The following SIPA1L2 variants were observed in gnomAD, a reference collection of about 807,000 sequenced individuals.
SIPA1L2 encodes signal induced proliferation associated 1 like 2.
SIPA1L2 carries 56 observed loss-of-function variants against 163.9 expected under a neutral mutation model. The observed-to-expected ratio is 0.34, with a 90% CI of 0.28 to 0.43. The LOEUF is 0.43. Ranked by LOEUF, SIPA1L2 falls within the 20% of genes least tolerant of loss-of-function variation. SIPA1L2 has a pLI of 1.00. For missense variants in SIPA1L2, 1,974 were observed against 2,193.5 expected (o/e 0.90, Z 2.00); for synonymous variants, 877 against 865.7 (o/e 1.01, Z -0.23).
chr1:232,626,230 CTT>C (rs56703620), intron 1 of SIPA1L2, among the ~76,000 whole-genome samples: 4 of 133,696 alleles, frequency 3.0e-5, no homozygotes, highest in Non-Finnish European at 3.1e-5. Context: ...CTAATATTTG[CTT>C]TTTTTTTTTT....
At chr1:232,480,160 T>TGTGTGC (rs1553296489) in intron 6 of SIPA1L2, among the ~76,000 whole-genome samples, 25 of 124,762 alleles carry the variant, frequency 2.0e-4, no homozygotes, top group African/African-American at 8.5e-4. Flanking sequence ...TGTGCGTGTG[T>TGTGTGC]GTGTGTGTGT....
intron 1 of SIPA1L2, among the ~76,000 whole-genome samples, chr1:232,592,239 G>A (rs987880616): frequency 9.2e-5 from 14 of 152,164 alleles, no homozygotes; most frequent in Non-Finnish European, 1.8e-4. Flanking sequence ...GACACTTACC[G>A]TCAGAATTAA....
intron 10 of SIPA1L2, among the ~76,000 whole-genome samples, chr1:232,450,507 G>A (rs916305859): frequency 6.6e-6 from 1 of 152,330 alleles, no homozygotes; most frequent in South Asian, 2.1e-4. Flanking sequence ...ATGTTCAGGT[G>A]AACACCAGGC....
At chr1:232,583,784 G>A (rs1236062867) in intron 1 of SIPA1L2, among the ~76,000 whole-genome samples, 3 of 152,136 alleles carry the variant, frequency 2.0e-5, no homozygotes, top group Non-Finnish European at 4.4e-5. Flanking sequence ...GTCTCAAACT[G>A]ATAACTCTGC....
At chr1:232,500,553 A>G (rs12726058) in intron 3 of SIPA1L2, among the ~76,000 whole-genome samples, 39,709 of 152,118 alleles carry the variant, frequency 0.26, 5,463 homozygotes, top group Admixed American at 0.38. Context: ...TATTGCAGAT[A>G]TGGTAGAAAT....
At chr1:232,481,488 T>C (rs1233699182) in intron 6 of SIPA1L2, among the ~76,000 whole-genome samples, 12 of 152,172 alleles carry the variant, frequency 7.9e-5, no homozygotes, top group Non-Finnish European at 1.8e-4. Flanking sequence ...AAGTACTTCT[T>C]AAAATGTGAT....
chr1:232,406,643 A>C (rs1660650243), intron 19 of SIPA1L2, among the ~76,000 whole-genome samples: 1 of 152,022 alleles, frequency 6.6e-6, no homozygotes, highest in African/African-American at 2.4e-5. Flanking sequence ...TCTGTTGAAC[A>C]TAAGGCCAAG....
In SIPA1L2 at chr1:232,471,393, A is replaced by C. The variant is rs778587261; in HGVS notation, c.2221T>G (p.Cys741Gly). Residue 741 changes from cysteine (C) to glycine (G), a missense_variant, in exon 8 of 23, where the codon TGT becomes GGT. Transcript: ENST00000674635. ...CACCTATAACACACATTTTCGGTAC[A>C]TGGATTATGCACTTTGACTATGACA... The part of the protein sequence containing the change: ...VFVIVKVHNP[C>G]TENVCYSVGV... 3.1e-6 allele frequency: 5 copies of C among 1,613,970 alleles called. No individual in the cohort carries two copies. Among genetic ancestry groups the C allele is most frequent in the Non-Finnish European group, 4.2e-6 (5 of 1,179,924 alleles).
intron 10 of SIPA1L2, among the ~76,000 whole-genome samples, chr1:232,458,352 A>G (rs1449887681): frequency 1.3e-5 from 2 of 152,246 alleles, no homozygotes; most frequent in Non-Finnish European, 2.9e-5. Flanking sequence ...GGATAAAAAG[A>G]TAACAGCTGC....
chr1:232,426,608 C>G (rs1447906745), intron 17 of SIPA1L2, among the ~76,000 whole-genome samples: 1 of 151,964 alleles, frequency 6.6e-6, no homozygotes, highest in Non-Finnish European at 1.5e-5. Context: ...TGCAGTGAGC[C>G]GAGATCGTGC....
intron 1 of SIPA1L2, among the ~76,000 whole-genome samples, chr1:232,599,698 T>C (rs1661491366): frequency 6.6e-6 from 1 of 152,160 alleles, no homozygotes; most frequent in Admixed American, 6.5e-5. Context: ...TCCCCTGCTG[T>C]AGCCCCGGGC....
chr1:232,546,559 G>T (rs937866580), intron 2 of SIPA1L2, among the ~76,000 whole-genome samples: 2 of 152,160 alleles, frequency 1.3e-5, no homozygotes, highest in African/African-American at 4.8e-5. Flanking sequence ...GGTGATCACA[G>T]ACACGCTCTA....
At chr1:232,422,396 C>T (rs1661625329) in intron 18 of SIPA1L2, among the ~76,000 whole-genome samples, 1 of 152,180 alleles carries the variant, frequency 6.6e-6, no homozygotes, top group Non-Finnish European at 1.5e-5. Flanking sequence ...AGATTCAAAT[C>T]TGTAACTTTT....
At chr1:232,479,595 G>A (rs756257613) in intron 7 of SIPA1L2, 32 bp downstream of exon 7, 3 of 1,559,578 alleles carry the variant, frequency 1.9e-6, no homozygotes, top group Admixed American at 3.3e-5. Flanking sequence ...TTCATACTCA[G>A]CGTAAAAAGC....
chr1:232,494,534 A>G (rs1341006859), intron 3 of SIPA1L2, among the ~76,000 whole-genome samples: 1 of 152,226 alleles, frequency 6.6e-6, no homozygotes, highest in African/African-American at 2.4e-5. Flanking sequence ...CAAATACTCT[A>G]TTCTGAACCC....
chr1:232,500,192 C>T (rs1383171598), intron 3 of SIPA1L2, among the ~76,000 whole-genome samples: 1 of 152,236 alleles, frequency 6.6e-6, no homozygotes, highest in Non-Finnish European at 1.5e-5. Context: ...ATTGACAACG[C>T]ATCTCATCAC....
rs373005164 is a variant in SIPA1L2 at position 232,591,344 on chromosome 1, T to C, written c.-318-17122A>G. Among the ~76,000 whole-genome samples the C allele has an allele frequency of 5.8e-4, 89 of 152,344 alleles. No individual in the cohort carries two copies. The South Asian group carries it at 7.5e-3, about 13-fold the overall frequency. ...GTACTCGAGTACTGACATTTCCATA[T>C]TGGTCATGACGGGATCAGTCCTGTA... is the stretch of plus-strand genomic sequence containing the variant. On this transcript the variant is annotated intron_variant, in intron 1 of 22. Coordinates refer to ENST00000674635, the MANE Select transcript of SIPA1L2 (RefSeq NM_020808.5).
chr1:232,452,537 A>C (rs888452804), intron 10 of SIPA1L2, among the ~76,000 whole-genome samples: 11 of 152,238 alleles, frequency 7.2e-5, no homozygotes, highest in Middle Eastern at 3.4e-3. Flanking sequence ...CTTTCCAACA[A>C]CACCTTGAGT....
chr1:232,401,988 C>G, intron 22 of SIPA1L2, among the ~76,000 whole-genome samples: 1 of 152,186 alleles, frequency 6.6e-6, no homozygotes, highest in East Asian at 1.9e-4. Context: ...GTTCTAAGGG[C>G]TGTGAAGCTG....
Sources: allele counts gnomAD v4.1 joint callset (sites outside exome capture counted in the v4.1 genomes callset), GRCh38; gene constraint gnomAD v4.1.1; transcripts MANE v1.5; gene names NCBI Gene and HGNC (gene_info 2026-07-23, HGNC 2026-07-21).